TTC29: variants seen among roughly 807,000 people sequenced by gnomAD.
The protein encoded by TTC29 is tetratricopeptide repeat domain 29.
Under a neutral mutation model 58.1 loss-of-function variants are expected in TTC29, and 49 were observed. That is an observed-to-expected ratio of 0.84 (90% confidence interval 0.67 to 1.07). The LOEUF is 1.07. Ranked by LOEUF, TTC29 falls within the 50% of genes least tolerant of loss-of-function variation. TTC29 has a pLI of 0.00. For synonymous variants in TTC29, 209 were observed against 196.8 expected (o/e 1.06, Z -0.52); for missense variants, 582 against 555.6 (o/e 1.05, Z -0.48).
intron 8 of TTC29, among the ~76,000 whole-genome samples, chr4:146,862,976 G>C (rs1191077854): frequency 6.6e-6 from 1 of 151,972 alleles, no homozygotes; most frequent in Non-Finnish European, 1.5e-5. Flanking sequence ...CAAAAAATTA[G>C]CCGGGCGTGG....
At chr4:146,939,749 C>T in intron 3 of TTC29, 55 bp downstream of exon 3, 2 of 1,439,806 alleles carry the variant, frequency 1.4e-6, no homozygotes, top group Non-Finnish European at 1.9e-6. Flanking sequence ...ATTGACATTT[C>T]TTATTACAGA....
At chr4:146,773,327 C>A (rs1361645049) in intron 11 of TTC29, among the ~76,000 whole-genome samples, 1 of 152,064 alleles carries the variant, frequency 6.6e-6, no homozygotes, top group Non-Finnish European at 1.5e-5. Flanking sequence ...CAGCTTGTGA[C>A]CATTCAGTAT....
chr4:146,876,540 G>A (rs183398207), intron 6 of TTC29, among the ~76,000 whole-genome samples: 2 of 152,242 alleles, frequency 1.3e-5, no homozygotes, highest in Admixed American at 1.3e-4. Flanking sequence ...CATTGAATTT[G>A]TTACCAGAAT....
intron 8 of TTC29, among the ~76,000 whole-genome samples, chr4:146,855,813 G>A (rs773962776): frequency 1.3e-5 from 2 of 152,072 alleles, no homozygotes; most frequent in Non-Finnish European, 2.9e-5. Context: ...TCTCTTAGAG[G>A]AATTATACAT....
chr4:146,899,821 G>A (rs1733019897), intron 6 of TTC29, among the ~76,000 whole-genome samples: 1 of 152,132 alleles, frequency 6.6e-6, no homozygotes, highest in Non-Finnish European at 1.5e-5. Context: ...AGACTGCTTG[G>A]TTGGGCCCTG....
At position 146,910,379 on chromosome 4, in the gene TTC29, A is replaced by T. The variant is rs116121422; in HGVS notation, c.177-1130T>A. Among the ~76,000 whole-genome samples the T allele has an allele frequency of 3.9e-3, 587 of 152,256 alleles. 6 individuals carry two copies. The highest frequency in any genetic ancestry group is 0.013 in the African/African-American group (544 of 41,552). Reference sequence around the variant, plus strand: ...TTCTCAATTCCTCATTATGCATTAGATTCACCTACAGAGTTCAAAAAAACA... The same window carrying T: ...TTCTCAATTCCTCATTATGCATTAGTTTCACCTACAGAGTTCAAAAAAACA... On this transcript the variant is annotated intron_variant, in intron 4 of 12. Transcript: ENST00000325106.
chr4:146,796,522 A>G (rs1369963580), intron 11 of TTC29, among the ~76,000 whole-genome samples: 1 of 152,138 alleles, frequency 6.6e-6, no homozygotes, highest in Non-Finnish European at 1.5e-5. Flanking sequence ...CACACATCAT[A>G]ATAATAATGT....
At chr4:146,764,744 A>G (rs1174551235) in intron 11 of TTC29, among the ~76,000 whole-genome samples, 3 of 152,130 alleles carry the variant, frequency 2.0e-5, no homozygotes, top group Non-Finnish European at 4.4e-5. Flanking sequence ...TTAGGCTTTA[A>G]CAATGTTGAG....
chr4:146,799,355 T>C (rs1465908647), intron 11 of TTC29, among the ~76,000 whole-genome samples: 2 of 152,294 alleles, frequency 1.3e-5, no homozygotes, highest in African/African-American at 4.8e-5. Context: ...AAGCTGAGGA[T>C]CACTAGTGAG....
intron 8 of TTC29, among the ~76,000 whole-genome samples, chr4:146,857,122 A>C (rs914819695): frequency 6.6e-6 from 1 of 152,200 alleles, no homozygotes; most frequent in African/African-American, 2.4e-5. Context: ...CAATTTGTAA[A>C]TAAATACATA....
chr4:146,879,029 G>C (rs1020931906), intron 6 of TTC29, among the ~76,000 whole-genome samples: 2 of 152,054 alleles, frequency 1.3e-5, no homozygotes, highest in Non-Finnish European at 2.9e-5. Context: ...ATTTTAAATG[G>C]AGGTCCCTAC....
chr4:146,750,239 C>A (rs1745879782), intron 11 of TTC29, among the ~76,000 whole-genome samples: 1 of 152,136 alleles, frequency 6.6e-6, no homozygotes, highest in Non-Finnish European at 1.5e-5. Flanking sequence ...AATCTCCCAA[C>A]CTTGTGATCC....
intron 11 of TTC29, among the ~76,000 whole-genome samples, chr4:146,750,877 A>C (rs1356914765): frequency 3.9e-5 from 6 of 152,224 alleles, no homozygotes; most frequent in Non-Finnish European, 7.3e-5. Flanking sequence ...TATCGATAAT[A>C]ACTTTGAATG....
chr4:146,921,777 T>G (rs1734597414), intron 4 of TTC29, among the ~76,000 whole-genome samples: 5 of 151,094 alleles, frequency 3.3e-5, no homozygotes, highest in Admixed American at 3.3e-4. Flanking sequence ...TTGATTGAAA[T>G]AACAGCCTCA....
intron 10 of TTC29, among the ~76,000 whole-genome samples, chr4:146,807,636 T>C (rs529915319): frequency 3.9e-5 from 6 of 152,232 alleles, no homozygotes; most frequent in African/African-American, 1.4e-4. Context: ...CTAGAAAATA[T>C]AGAAGAAATG....
At chr4:146,920,754 C>T (rs1041807823) in intron 4 of TTC29, among the ~76,000 whole-genome samples, 3 of 151,024 alleles carry the variant, frequency 2.0e-5, no homozygotes, top group Admixed American at 2.0e-4. Flanking sequence ...GACTCCAGTT[C>T]TATATTTTTA....
intron 4 of TTC29, among the ~76,000 whole-genome samples, chr4:146,935,292 A>G (rs556007261): frequency 6.5e-4 from 99 of 152,318 alleles, no homozygotes; most frequent in African/African-American, 2.2e-3. Flanking sequence ...GAAACTAGAC[A>G]GAGCATATGT....
At chr4:146,765,751 C>A (rs1196741588) in intron 11 of TTC29, among the ~76,000 whole-genome samples, 2 of 152,112 alleles carry the variant, frequency 1.3e-5, no homozygotes, top group African/African-American at 2.4e-5. Flanking sequence ...GACAGACAGA[C>A]CTGGGCATTT....
At position 146,939,864 on chromosome 4, in the gene TTC29, C is replaced by T. The variant is rs759589838; in HGVS notation, c.32G>A (p.Arg11His). Reference protein sequence around the residue: MTTLPPLPMTRPKLTALARQK... With the variant: MTTLPPLPMTHPKLTALARQK... Reference sequence around the variant, plus strand: ...TCTGGCTAAGGCTGTAAGCTTCGGGCGTGTCATGGGCAGTGGGGGCAGGGT... The same window carrying T: ...TCTGGCTAAGGCTGTAAGCTTCGGGTGTGTCATGGGCAGTGGGGGCAGGGT... The change falls in exon 3 of 13, where the codon CGC (arginine) becomes CAC (histidine). Residue 11 changes from arginine to histidine, a missense_variant. By Grantham distance (29) the Arg-to-His change is conservative. Coordinates refer to ENST00000325106, the MANE Select transcript of TTC29 (RefSeq NM_031956.4). 2.0e-5 allele frequency: 32 copies of T among 1,612,920 alleles called. No individual in the cohort carries two copies. The highest frequency in any genetic ancestry group is 1.6e-4 in the Middle Eastern group (1 of 6,076).
Sources: gnomAD v4.1 joint callset for allele counts (sites outside exome capture counted in the v4.1 genomes callset) on GRCh38, gnomAD v4.1.1 for gene constraint, MANE v1.5 for transcripts, NCBI Gene and HGNC (gene_info 2026-07-23, HGNC 2026-07-21) for gene names.